The following ME1 variants were observed in gnomAD, a reference collection of about 807,000 sequenced individuals.
ME1 encodes the protein malic enzyme 1, also known as NADP-dependent malic enzyme.
A neutral mutation model predicts 66.4 loss-of-function variants in ME1; 74 were observed. The ratio of observed to expected loss-of-function variants is 1.11; its 90% CI spans 0.92 to 1.35. The LOEUF is 1.35. Ranked by LOEUF, ME1 falls within the 40% of genes most tolerant of loss-of-function variation. The pLI, the probability that ME1 is intolerant of heterozygous loss-of-function variation, is 0.00. For synonymous variants in ME1, 251 were observed against 235.6 expected (o/e 1.07, Z -0.60); for missense variants, 750 against 694.1 (o/e 1.08, Z -0.90).
chr6:83,350,278 G>T (rs1030684869), intron 4 of ME1, among the ~76,000 whole-genome samples: 20 of 152,092 alleles, frequency 1.3e-4, no homozygotes, highest in Admixed American at 2.0e-4. Flanking sequence ...ATCAGTAAGG[G>T]CCCAATATTA....
chr6:83,419,692 C>G (rs866621228), intron 1 of ME1, among the ~76,000 whole-genome samples: 7 of 151,994 alleles, frequency 4.6e-5, no homozygotes, highest in African/African-American at 1.2e-4. Flanking sequence ...TATTAAGAAC[C>G]ATTCACCTCA....
At chr6:83,401,807 C>T (rs1256952048) in intron 2 of ME1, among the ~76,000 whole-genome samples, 1 of 152,210 alleles carries the variant, frequency 6.6e-6, no homozygotes. Context: ...GAGACTAACA[C>T]TGATTCCCTG....
intron 6 of ME1, among the ~76,000 whole-genome samples, chr6:83,271,643 A>T (rs1367637610): frequency 6.6e-6 from 1 of 152,128 alleles, no homozygotes; most frequent in Non-Finnish European, 1.5e-5. Flanking sequence ...GTTAAAGTTT[A>T]TATTTTCAAA....
intron 1 of ME1, among the ~76,000 whole-genome samples, chr6:83,423,335 G>A (rs1440720498): frequency 6.6e-6 from 1 of 151,780 alleles, no homozygotes; most frequent in Non-Finnish European, 1.5e-5. Flanking sequence ...CAGCAAACCT[G>A]CTTTAAAAAA....
intron 6 of ME1, among the ~76,000 whole-genome samples, chr6:83,269,244 GTT>G (rs1392926769): frequency 2.6e-5 from 4 of 150,990 alleles, no homozygotes; most frequent in African/African-American, 9.8e-5. Context: ...TATCATTTAT[GTT>G]TGTTTTTTTT....
chr6:83,402,538 G>A (rs1411830816), intron 2 of ME1, among the ~76,000 whole-genome samples: 2 of 152,178 alleles, frequency 1.3e-5, no homozygotes, highest in East Asian at 3.9e-4. Context: ...AACAGGCCAA[G>A]AAAGGAGTTA....
intron 6 of ME1, among the ~76,000 whole-genome samples, chr6:83,312,444 T>C (rs1451659710): frequency 6.6e-6 from 1 of 152,132 alleles, no homozygotes; most frequent in Non-Finnish European, 1.5e-5. Context: ...CCTCAGCCTG[T>C]GAGTGAAGAG....
intron 6 of ME1, among the ~76,000 whole-genome samples, chr6:83,312,512 C>A (rs1434047070): frequency 6.6e-6 from 1 of 151,982 alleles, no homozygotes; most frequent in Non-Finnish European, 1.5e-5. Flanking sequence ...CCTAAACCTG[C>A]CAAGATGGCA....
intron 3 of ME1, among the ~76,000 whole-genome samples, chr6:83,395,886 C>G (rs1251386113): frequency 1.3e-5 from 2 of 151,682 alleles, no homozygotes; most frequent in African/African-American, 4.8e-5. Flanking sequence ...GTTAAATGGT[C>G]TCTGTTTGCA....
rs558980850 is a variant in ME1 at position 83,381,565 on chromosome 6, T to C, written c.362+16802A>G. On this transcript the variant is annotated intron_variant, in intron 3 of 13. Coordinates refer to ENST00000369705, the MANE Select transcript of ME1 (RefSeq NM_002395.6). ...TATATACCTACATGCTGTGTGTCCA[T>C]ATCCCTATCACCTCACCTACCTATA... Among the ~76,000 whole-genome samples the C allele has an allele frequency of 3.3e-5, 5 of 152,216 alleles. No individual in the cohort carries two copies. The South Asian group carries it at 1.0e-3, about 32-fold the overall frequency.
At chr6:83,311,860 A>G (rs185739358) in intron 6 of ME1, among the ~76,000 whole-genome samples, 1 of 152,266 alleles carries the variant, frequency 6.6e-6, no homozygotes, top group Non-Finnish European at 1.5e-5. Flanking sequence ...TGTTTTTGAG[A>G]TAATTAACGG....
At chr6:83,426,154 T>C (rs531931289) in intron 1 of ME1, among the ~76,000 whole-genome samples, 73 of 152,312 alleles carry the variant, frequency 4.8e-4, no homozygotes, top group African/African-American at 1.7e-3. Flanking sequence ...GGACTTGGGC[T>C]CATTTCTTCT....
chr6:83,423,441 C>T (rs1770309804), intron 1 of ME1, among the ~76,000 whole-genome samples: 1 of 152,076 alleles, frequency 6.6e-6, no homozygotes, highest in African/African-American at 2.4e-5. Context: ...TAGTATCTAC[C>T]TGGATAACTC....
chr6:83,387,462 A>G (rs1769531681), intron 3 of ME1, among the ~76,000 whole-genome samples: 1 of 152,118 alleles, frequency 6.6e-6, no homozygotes, highest in South Asian at 2.1e-4. Context: ...AGACAACACT[A>G]TGGGCTATAC....
intron 7 of ME1, among the ~76,000 whole-genome samples, chr6:83,252,255 CTGTTGTTGT>C (rs1007272945): frequency 1.3e-5 from 2 of 151,506 alleles, no homozygotes; most frequent in Admixed American, 6.6e-5. Flanking sequence ...AGCAGGAGTT[CTGTTGTTGT>C]TGTTGTTGTT....
chr6:83,409,039 A>G (rs1166770564), intron 1 of ME1, among the ~76,000 whole-genome samples: 1 of 152,124 alleles, frequency 6.6e-6, no homozygotes, highest in Non-Finnish European at 1.5e-5. Context: ...CCCTTATAAA[A>G]GGTACCTCAG....
At chr6:83,340,683 T>A (rs923569644) in intron 5 of ME1, among the ~76,000 whole-genome samples, 12 of 149,000 alleles carry the variant, frequency 8.1e-5, no homozygotes, top group Non-Finnish European at 1.6e-4. Context: ...TATGTGCTAT[T>A]TTTTTTTTTT....
At chr6:83,372,448 T>C (rs184126212) in intron 3 of ME1, among the ~76,000 whole-genome samples, 7 of 152,330 alleles carry the variant, frequency 4.6e-5, no homozygotes, top group African/African-American at 1.7e-4. Context: ...CTAAATTTGA[T>C]CTGCCAAGAC....
intron 2 of ME1, among the ~76,000 whole-genome samples, chr6:83,405,498 C>T (rs1459696473): frequency 6.6e-6 from 1 of 152,086 alleles, no homozygotes; most frequent in Non-Finnish European, 1.5e-5. Context: ...TGCTTTATTT[C>T]TTTCTCTTGC....
Sources: allele counts gnomAD v4.1 joint callset (sites outside exome capture counted in the v4.1 genomes callset), GRCh38; gene constraint gnomAD v4.1.1; transcripts MANE v1.5; gene names NCBI Gene and HGNC (gene_info 2026-07-23, HGNC 2026-07-21).